GALNTL6: variants seen among roughly 807,000 people sequenced by gnomAD.
The protein encoded by GALNTL6 is polypeptide N-acetylgalactosaminyltransferase like 6, also known as polypeptide N-acetylgalactosaminyltransferase-like 6.
Under a neutral mutation model 73.7 loss-of-function variants are expected in GALNTL6, and 46 were observed. The observed-to-expected ratio is 0.62, with a 90% CI of 0.49 to 0.80. The LOEUF is 0.80. Ranked by LOEUF, GALNTL6 falls within the 30% of genes least tolerant of loss-of-function variation. The pLI is 0.00. For synonymous variants in GALNTL6, 259 were observed against 263.7 expected, an observed-to-expected ratio of 0.98 and a Z score of 0.17; for missense variants, 604 against 755.0, an observed-to-expected ratio of 0.80 and a Z score of 2.34.
intron 5 of GALNTL6, among the ~76,000 whole-genome samples, chr4:172,400,606 A>G (rs1321018840): frequency 6.6e-6 from 1 of 152,160 alleles, no homozygotes; most frequent in East Asian, 1.9e-4. Context: ...AGGTGCCATC[A>G]TGTTTAGAAG....
intron 5 of GALNTL6, among the ~76,000 whole-genome samples, chr4:172,691,098 A>G (rs1579344335): frequency 6.6e-6 from 1 of 152,212 alleles, no homozygotes; most frequent in Admixed American, 6.5e-5. Flanking sequence ...AGGAGGCAGG[A>G]AAGTTTCCAT....
At chr4:172,682,971 G>T (rs756730251) in intron 5 of GALNTL6, among the ~76,000 whole-genome samples, 5 of 152,078 alleles carry the variant, frequency 3.3e-5, no homozygotes, top group African/African-American at 9.7e-5. Context: ...CACAACTTTA[G>T]GAAAGGTATG....
chr4:172,229,679 T>C lies in GALNTL6; in HGVS notation c.162T>C (p.Asp54=). 6.2e-7 allele frequency: 1 copy of C among 1,613,402 alleles called. No individual in the cohort carries two copies. Among genetic ancestry groups the C allele is most frequent in the Admixed American group, 1.7e-5 (1 of 60,008 alleles). The stretch of plus-strand genomic sequence containing the variant: ...AGACATTTCCACTGGGCCTGGGAGA[T>C]GGGCAATTCTATTCATGGACAGATG... ...EQQTFPLGLG[D]GQFYSWTDGL... is the part of the protein sequence containing the mutation. Residue 54 remains aspartate, a synonymous_variant, in exon 3 of 13, where the codon GAT becomes GAC. Coordinates refer to ENST00000506823, the MANE Select transcript of GALNTL6 (RefSeq NM_001034845.3).
At position 173,010,891 on chromosome 4, in the gene GALNTL6, C is replaced by T. The variant is rs550890836; in HGVS notation, c.1488+1597C>T. 7.9e-5 allele frequency among the ~76,000 whole-genome samples: 12 copies of T among 152,164 alleles called. No homozygotes were observed. In the South Asian group the frequency reaches 1.5e-3, roughly 18 times the overall value. ...AAGTGCTGGGATTACAGGCATAAGC[C>T]ACCACGCCCAGCCAATTTTTAGTTT... On this transcript the variant is annotated intron_variant, in intron 11 of 12. Coordinates refer to ENST00000506823, the MANE Select transcript of GALNTL6 (RefSeq NM_001034845.3).
chr4:172,167,891 G>A (rs113081823), intron 2 of GALNTL6, among the ~76,000 whole-genome samples: 6 of 150,194 alleles, frequency 4.0e-5, no homozygotes, highest in African/African-American at 9.8e-5. Flanking sequence ...CCCGGGAAGC[G>A]GAGCTTGCAG....
intron 9 of GALNTL6, among the ~76,000 whole-genome samples, chr4:172,931,852 A>C (rs1350393840): frequency 6.6e-6 from 1 of 152,216 alleles, no homozygotes; most frequent in South Asian, 2.1e-4. Flanking sequence ...AACCAGATGC[A>C]AAGATGCTCT....
intron 2 of GALNTL6, among the ~76,000 whole-genome samples, chr4:171,887,353 A>G (rs566769034): frequency 1.3e-5 from 2 of 152,328 alleles, no homozygotes; most frequent in South Asian, 4.1e-4. Flanking sequence ...TTGATGCTAT[A>G]GGTAATGGAA....
chr4:171,900,578 A>G (rs1203161741), intron 2 of GALNTL6, among the ~76,000 whole-genome samples: 7 of 151,924 alleles, frequency 4.6e-5, no homozygotes, highest in Non-Finnish European at 1.0e-4. Context: ...TCGGCTTCCC[A>G]AAGAGCTGGG....
chr4:172,788,401 G>A (rs772059990), intron 5 of GALNTL6, among the ~76,000 whole-genome samples: 4 of 152,002 alleles, frequency 2.6e-5, no homozygotes, highest in Admixed American at 2.0e-4. Context: ...GGCCGGGCGC[G>A]GTGGCTCACA....
intron 7 of GALNTL6, among the ~76,000 whole-genome samples, chr4:172,856,326 G>C (rs765440116): frequency 6.6e-6 from 1 of 152,150 alleles, no homozygotes; most frequent in South Asian, 2.1e-4. Flanking sequence ...AAAATGGTGA[G>C]AAACAGAGAA....
intron 8 of GALNTL6, among the ~76,000 whole-genome samples, chr4:172,909,365 A>AT (rs1236391039): frequency 6.6e-6 from 1 of 151,888 alleles, no homozygotes; most frequent in East Asian, 1.9e-4. Flanking sequence ...TACATAAAAT[A>AT]TTATGTGAAA....
intron 2 of GALNTL6, among the ~76,000 whole-genome samples, chr4:172,055,929 T>C (rs1731006860): frequency 6.6e-6 from 1 of 152,136 alleles, no homozygotes; most frequent in African/African-American, 2.4e-5. Flanking sequence ...AATGATAGTA[T>C]GAAAAAAGTT....
chr4:172,913,498 A>G (rs1037392832), intron 8 of GALNTL6, among the ~76,000 whole-genome samples: 4 of 152,218 alleles, frequency 2.6e-5, no homozygotes, highest in African/African-American at 7.2e-5. Flanking sequence ...CCTTGAAAAA[A>G]GATTAGACGA....
chr4:172,342,866 G>T (rs1741618403), intron 4 of GALNTL6, among the ~76,000 whole-genome samples: 1 of 152,142 alleles, frequency 6.6e-6, no homozygotes, highest in Non-Finnish European at 1.5e-5. Context: ...CCAATGAGCT[G>T]TAAGCAGACA....
chr4:172,785,277 A>C (rs965493103), intron 5 of GALNTL6, among the ~76,000 whole-genome samples: 1 of 152,208 alleles, frequency 6.6e-6, no homozygotes, highest in Non-Finnish European at 1.5e-5. Context: ...GCATACTCAG[A>C]AGTAGCTTTG....
chr4:172,176,337 CAAAAAAAAA>C (rs562300659), intron 2 of GALNTL6, among the ~76,000 whole-genome samples: 1 of 31,362 alleles, frequency 3.2e-5, no homozygotes, highest in Non-Finnish European at 5.2e-5. Flanking sequence ...GACTCCGTCT[CAAAAAAAAA>C]AAAAAAAAAA....
chr4:171,913,029 G>A (rs1240400060), intron 2 of GALNTL6, among the ~76,000 whole-genome samples: 2 of 152,208 alleles, frequency 1.3e-5, no homozygotes, highest in East Asian at 3.9e-4. Flanking sequence ...TCTCTTTGAT[G>A]TACTGATTTC....
At chr4:172,573,413 T>C (rs1736838494) in intron 5 of GALNTL6, among the ~76,000 whole-genome samples, 1 of 152,174 alleles carries the variant, frequency 6.6e-6, no homozygotes, top group African/African-American at 2.4e-5. Context: ...CTAATTCTCA[T>C]AAACATTCAA....
At chr4:171,890,082 A>G (rs1736719488) in intron 2 of GALNTL6, among the ~76,000 whole-genome samples, 1 of 152,154 alleles carries the variant, frequency 6.6e-6, no homozygotes, top group African/African-American at 2.4e-5. Context: ...AGGCAGAAAT[A>G]TTCTAAAGGA....
Sources: allele counts gnomAD v4.1 joint callset (sites outside exome capture counted in the v4.1 genomes callset), GRCh38; gene constraint gnomAD v4.1.1; transcripts MANE v1.5; gene names NCBI Gene and HGNC (gene_info 2026-07-23, HGNC 2026-07-21).